The following GCNA variants were observed in gnomAD, a reference collection of about 807,000 sequenced individuals.
The protein encoded by GCNA is germ cell nuclear acidic peptidase, also known as germ cell nuclear acidic protein.
A neutral mutation model predicts 38.8 loss-of-function variants in GCNA; 3 were observed. The ratio of observed to expected loss-of-function variants is 0.08; its 90% CI spans 0.04 to 0.20. The LOEUF is 0.20. Among genes scored for constraint, GCNA ranks in the 10% least tolerant of loss-of-function variants. The probability of loss-of-function intolerance (pLI) is 1.00; values close to 1 mark genes in which losing one functional copy is unlikely to be tolerated. For missense variants in GCNA, 446 were observed against 578.6 expected (o/e 0.77, Z 2.35); for synonymous variants, 195 against 240.2 (o/e 0.81, Z 1.74).
chrX:71,588,991 TAGC>T (rs1478842601), intron 2 of GCNA, among the ~76,000 whole-genome samples: 1 of 106,979 alleles, frequency 9.3e-6, no homozygotes, highest in African/African-American at 3.4e-5. Flanking sequence ...TACTCTTGAG[TAGC>T]TGGGAGGATC....
intron 9 of GCNA, among the ~76,000 whole-genome samples, chrX:71,608,552 C>T (rs910387806): frequency 1.8e-4 from 20 of 112,716 alleles, no homozygotes; most frequent in African/African-American, 6.1e-4. Flanking sequence ...GATTAAGGCG[C>T]GAGCCACCGC....
At chrX:71,585,990 C>G (rs897784293) in intron 2 of GCNA, among the ~76,000 whole-genome samples, 2 of 109,268 alleles carry the variant, frequency 1.8e-5, no homozygotes, top group Non-Finnish European at 3.8e-5. Context: ...AGCTTACTGT[C>G]TAGGGTGGGG....
rs1216317539 is a variant in GCNA at position 71,605,234 on chromosome X, A to T, written c.1400-429A>T. On this transcript the variant is annotated intron_variant, in intron 8 of 12. Coordinates refer to ENST00000373696, the MANE Select transcript of GCNA (RefSeq NM_052957.5). Reference sequence around the variant, plus strand: ...GATATATGAATGACACTGACTATTGATACATAAGCCTTTAGCTAGAGCAGC... The same window carrying T: ...GATATATGAATGACACTGACTATTGTTACATAAGCCTTTAGCTAGAGCAGC... 3.0e-5 allele frequency among the ~76,000 whole-genome samples: 3 copies of T among 98,738 alleles called. No homozygotes were observed. In the Admixed American group the frequency reaches 3.3e-4, roughly 11 times the overall value. 85.7% of individuals were successfully genotyped at this position (98,738 alleles called of 115,157 possible).
Position 71,593,898 on chromosome X carries a change from T to G in GCNA, c.141-433T>G, listed in dbSNP as rs188978214. Among the ~76,000 whole-genome samples the G allele has an allele frequency of 1.6e-3, 177 of 109,293 alleles. 5 individuals are homozygous for G. The East Asian group carries it at 0.02, about 13-fold the overall frequency. 94.9% of individuals were successfully genotyped at this position (109,293 alleles called of 115,157 possible). On this transcript the variant is annotated intron_variant, in intron 4 of 12. Coordinates refer to ENST00000373696, the MANE Select transcript of GCNA (RefSeq NM_052957.5). ...CAGGGTCTTGCTGTGTCGCCCACAC[T>G]GCAGTGCAGTGGCACCATCATAGCT... is the stretch of plus-strand genomic sequence containing the variant.
intron 11 of GCNA, 81 bp downstream of exon 11, chrX:71,610,900 G>A: frequency 8.6e-7 from 1 of 1,158,118 alleles, no homozygotes; most frequent in Non-Finnish European, 1.2e-6. Context: ...CTAGCTGGTA[G>A]CCTGTGTCAC....
Position 71,604,571 on chromosome X carries a change from A to G in GCNA, c.1294A>G (p.Lys432Glu). 1 of 1,195,382 alleles carries G rather than the reference A, an allele frequency of 8.4e-7. No homozygotes were observed. The highest frequency in any genetic ancestry group is 1.8e-5 in the South Asian group (1 of 54,669). The change falls in exon 8 of 13, where the codon AAA becomes GAA. Residue 432 changes from lysine (K) to glutamate (E), a missense_variant. Physicochemically the swap from Lys to Glu is moderately conservative, Grantham distance 56 (BLOSUM62 1). Around this residue, in one of 7 missense-constraint regions of GCNA, gnomAD observed 160 missense variants for 165.2 expected, o/e 0.97. Transcript: ENST00000373696. ...EPPRKRQTKT[K>E]NIVEPPRKRQ... ...ACCGAGGAAAAGGCAGACAAAGACCAAAAATATAGTGGAGCCACCAAGGAA... is the reference window on the plus strand; with the variant it reads ...ACCGAGGAAAAGGCAGACAAAGACCGAAAATATAGTGGAGCCACCAAGGAA...
In GCNA at chrX:71,607,151, C is replaced by G. The variant is rs866773420; in HGVS notation, c.1466+1422C>G. Reference sequence around the variant, plus strand: ...CCACAAGGCCAACGTTCTGTGAGCACAAACACACAGGGGTCCGGGCTCTGC... The same window carrying G: ...CCACAAGGCCAACGTTCTGTGAGCAGAAACACACAGGGGTCCGGGCTCTGC... On this transcript the variant is annotated intron_variant, in intron 9 of 12. Transcript: ENST00000373696. Among the ~76,000 whole-genome samples the G allele has an allele frequency of 2.7e-5, 3 of 112,041 alleles. No individual in the cohort carries two copies. In the Admixed American group the frequency reaches 2.8e-4, roughly 11 times the overall value.
rs184118423 is a variant in GCNA, at chrX:71,582,908, A to G, written c.59+2028A>G. Among the ~76,000 whole-genome samples, 460 of 112,097 alleles carry G rather than the reference A, an allele frequency of 4.1e-3. 1 individual carries two copies. Among genetic ancestry groups the G allele is most frequent in the Non-Finnish European group, 7.2e-3 (382 of 53,280 alleles). On this transcript the variant is annotated intron_variant, in intron 2 of 12. Coordinates refer to ENST00000373696, the MANE Select transcript of GCNA (RefSeq NM_052957.5). ...AAGAAGGATATATGATTTAATTACC[A>G]GTACATAGAGAAATATGTACAAGAA... is the stretch of plus-strand genomic sequence containing the variant.
intron 2 of GCNA, among the ~76,000 whole-genome samples, chrX:71,581,151 A>G (rs1374001059): frequency 8.9e-6 from 1 of 112,332 alleles, no homozygotes; most frequent in Non-Finnish European, 1.9e-5. Flanking sequence ...GTTTCTAGAA[A>G]GTTCTTCATT....
At chrX:71,608,397 C>T (rs1174800187) in intron 9 of GCNA, among the ~76,000 whole-genome samples, 2 of 111,668 alleles carry the variant, frequency 1.8e-5, no homozygotes, top group Non-Finnish European at 3.8e-5. Context: ...CTCAGCCTCC[C>T]GAGTAGCTGG....
chrX:71,579,556 G>A (rs1258083922), intron 1 of GCNA, among the ~76,000 whole-genome samples: 1 of 100,137 alleles, frequency 1.0e-5, no homozygotes, highest in African/African-American at 3.7e-5. Flanking sequence ...TGGCTGTGGG[G>A]AGAAGTGGGG....
intron 7 of GCNA, among the ~76,000 whole-genome samples, chrX:71,599,104 G>C (rs1316836582): frequency 3.7e-5 from 4 of 109,064 alleles, no homozygotes; most frequent in Non-Finnish European, 7.6e-5. Flanking sequence ...CAATCTGCTT[G>C]CCTTGGCCTC....
At chrX:71,590,865 T>C (rs1341533025) in intron 2 of GCNA, among the ~76,000 whole-genome samples, 5 of 109,969 alleles carry the variant, frequency 4.5e-5, no homozygotes. Flanking sequence ...GTATTTTCAG[T>C]AGAGATGGGG....
intron 2 of GCNA, among the ~76,000 whole-genome samples, chrX:71,583,612 ACAT>A (rs1352323717): frequency 9.0e-6 from 1 of 110,980 alleles, no homozygotes; most frequent in African/African-American, 3.3e-5. Flanking sequence ...AATGCTGCTG[ACAT>A]CATAAACTGA....
chrX:71,599,701 A>G (rs951833998), intron 7 of GCNA, among the ~76,000 whole-genome samples: 1 of 112,155 alleles, frequency 8.9e-6, no homozygotes, highest in African/African-American at 3.2e-5. Flanking sequence ...TCTACAGAAA[A>G]CAAGGCCCAG....
chrX:71,597,707 C>T (rs1234381862), intron 6 of GCNA, among the ~76,000 whole-genome samples: 1 of 112,116 alleles, frequency 8.9e-6, no homozygotes, highest in African/African-American at 3.2e-5. Flanking sequence ...CAGTATGTGA[C>T]AGACTCCTCG....
intron 2 of GCNA, among the ~76,000 whole-genome samples, chrX:71,586,177 G>T (rs1474603151): frequency 9.3e-6 from 1 of 108,036 alleles, no homozygotes; most frequent in Non-Finnish European, 1.9e-5. Context: ...CAAGAACTTG[G>T]TATTATGAAA....
At chrX:71,608,144 C>T (rs1193467128) in intron 9 of GCNA, among the ~76,000 whole-genome samples, 1 of 111,228 alleles carries the variant, frequency 9.0e-6, no homozygotes, top group Non-Finnish European at 1.9e-5. Context: ...CATATCTAGG[C>T]ATTAAAGGGT....
At chrX:71,582,110 C>T (rs1322158899) in intron 2 of GCNA, among the ~76,000 whole-genome samples, 1 of 108,470 alleles carries the variant, frequency 9.2e-6, no homozygotes, top group Non-Finnish European at 1.9e-5. Context: ...TCCGCCTCTA[C>T]AAAAAATAAA....
Sources: gnomAD v4.1 joint callset for allele counts (sites outside exome capture counted in the v4.1 genomes callset) on GRCh38, gnomAD v4.1.1 for gene constraint, gnomAD v4.1.1 regional missense constraint, MANE v1.5 for transcripts, NCBI Gene and HGNC (gene_info 2026-07-23, HGNC 2026-07-21) for gene names.